Variants in PPTC7 observed in about 807,000 individuals in gnomAD.
PPTC7 encodes protein phosphatase PTC7 homolog.
Under a neutral mutation model 30.8 loss-of-function variants are expected in PPTC7, and 6 were observed. The ratio of observed to expected loss-of-function variants is 0.19; its 90% CI spans 0.11 to 0.38. PPTC7 has a LOEUF of 0.38. PPTC7 is among the 10% of genes least tolerant of loss of function. PPTC7 has a pLI of 1.00. For synonymous variants in PPTC7, 163 were observed against 168.1 expected, an observed-to-expected ratio of 0.97 and a Z score of 0.23; for missense variants, 218 against 404.8, an observed-to-expected ratio of 0.54 and a Z score of 3.96.
At chr12:110,580,900 C>T (rs1434320635) in intron 1 of PPTC7, among the ~76,000 whole-genome samples, 5 of 152,112 alleles carry the variant, frequency 3.3e-5, no homozygotes, top group East Asian at 3.9e-4. Flanking sequence ...TATAGGCATG[C>T]GCCATCACGC....
At chr12:110,541,805 C>T (rs1311336672) in intron 3 of PPTC7, among the ~76,000 whole-genome samples, 2 of 151,568 alleles carry the variant, frequency 1.3e-5, no homozygotes, top group South Asian at 2.1e-4. Flanking sequence ...GGTCATCATA[C>T]GTAGGTATTT....
At chr12:110,577,303 A>G (rs2135797481) in intron 1 of PPTC7, among the ~76,000 whole-genome samples, 1 of 151,924 alleles carries the variant, frequency 6.6e-6, no homozygotes, top group Non-Finnish European at 1.5e-5. Flanking sequence ...TAAAATTAAA[A>G]AAAAAAAGAA....
At chr12:110,550,482 G>C (rs530997419) in intron 2 of PPTC7, among the ~76,000 whole-genome samples, 1 of 151,510 alleles carries the variant, frequency 6.6e-6, no homozygotes, top group Non-Finnish European at 1.5e-5. Flanking sequence ...CGCCCACCTC[G>C]GCCTCCCAAA....
chr12:110,582,949 CCGCCGG>C lies in PPTC7; in HGVS notation c.77_82del (p.Ala26_Gly27del). 6.5e-7 allele frequency: 1 copy of C among 1,542,088 alleles called. No homozygotes were observed. The highest frequency in any genetic ancestry group is 8.8e-7 in the Non-Finnish European group (1 of 1,142,258). ...CAGTCCGTAGTCGCCGCCGCCGCCGCCGCCGGCCCTGGGGTCGGTCTGCGAGAGGCC... is the reference window on the plus strand; with the variant it reads ...CAGTCCGTAGTCGCCGCCGCCGCCGCCCCTGGGGTCGGTCTGCGAGAGGCC... On this transcript the variant is annotated inframe_deletion, in exon 1 of 6. Coordinates refer to ENST00000354300, the MANE Select transcript of PPTC7 (RefSeq NM_139283.2).
intron 1 of PPTC7, among the ~76,000 whole-genome samples, chr12:110,579,148 CAA>C (rs58157987): frequency 3.8e-5 from 5 of 130,430 alleles, no homozygotes; most frequent in Non-Finnish European, 6.6e-5. Flanking sequence ...GACTCTATCT[CAA>C]AAAAAAAAAA....
chr12:110,538,822 G>A (rs946652859), intron 4 of PPTC7, among the ~76,000 whole-genome samples: 1 of 152,190 alleles, frequency 6.6e-6, no homozygotes, highest in African/African-American at 2.4e-5. Flanking sequence ...ACAGGTCTCT[G>A]CTTCAATGTC....
At chr12:110,563,068 A>C (rs527269300) in intron 1 of PPTC7, among the ~76,000 whole-genome samples, 1 of 147,098 alleles carries the variant, frequency 6.8e-6, no homozygotes, top group African/African-American at 2.5e-5. Context: ...GCAGTAAGCA[A>C]AGATTGCGCC....
intron 1 of PPTC7, among the ~76,000 whole-genome samples, chr12:110,562,810 AG>A (rs1312904900): frequency 6.6e-6 from 1 of 150,392 alleles, no homozygotes; most frequent in Non-Finnish European, 1.5e-5. Flanking sequence ...AAAAAAGAAG[AG>A]GAAAAAAAAA....
At chr12:110,581,727 AAAAT>A (rs1183805635) in intron 1 of PPTC7, among the ~76,000 whole-genome samples, 3 of 152,250 alleles carry the variant, frequency 2.0e-5, no homozygotes, top group African/African-American at 7.2e-5. Context: ...ATCAGATTAA[AAAAT>A]AATTACTGTC....
At chr12:110,579,152 A>T (rs571730867) in intron 1 of PPTC7, among the ~76,000 whole-genome samples, 1 of 152,246 alleles carries the variant, frequency 6.6e-6, no homozygotes, top group Admixed American at 6.5e-5. Flanking sequence ...CTATCTCAAA[A>T]AAAAAAAAAA....
chr12:110,560,384 A>T (rs1413103376), intron 1 of PPTC7, among the ~76,000 whole-genome samples: 1 of 151,826 alleles, frequency 6.6e-6, no homozygotes, highest in East Asian at 1.9e-4. Flanking sequence ...CCTGAGCGAC[A>T]GAGCGAGACC....
At chr12:110,554,212 T>C (rs2064369682) in intron 1 of PPTC7, among the ~76,000 whole-genome samples, 1 of 152,214 alleles carries the variant, frequency 6.6e-6, no homozygotes, top group Non-Finnish European at 1.5e-5. Flanking sequence ...CTTGTTCTGT[T>C]GTCCAGGTTG....
intron 1 of PPTC7, among the ~76,000 whole-genome samples, chr12:110,571,992 T>C (rs756294285): frequency 2.8e-4 from 43 of 152,220 alleles, no homozygotes; most frequent in Admixed American, 4.6e-4. Flanking sequence ...CTTATTTTCT[T>C]GCCCCAAATT....
chr12:110,574,141 T>TAAAAAAAAAAAAAA (rs58133391), intron 1 of PPTC7, among the ~76,000 whole-genome samples: 4 of 37,444 alleles, frequency 1.1e-4, no homozygotes, highest in Non-Finnish European at 1.4e-4. Flanking sequence ...CCACAATAAT[T>TAAAAAAAAAAAAAA]AAAAAAAAAA....
chr12:110,533,742 A>G lies in PPTC7; in HGVS notation c.*3295T>C, dbSNP rs922826193. 3.3e-5 allele frequency: 5 copies of G among 152,222 alleles called. No individual in the cohort carries two copies. Among genetic ancestry groups the G allele is most frequent in the African/African-American group, 1.2e-4 (5 of 41,450 alleles). The allele number at this position is 152,222 out of a possible 1,614,324, so 9.4% of individuals were successfully genotyped here. A position where few individuals can be genotyped will look rare whatever the true frequency, so the allele number is the denominator to read the frequency against. On this transcript the variant is annotated 3_prime_UTR_variant, in exon 6 of 6. Transcript: ENST00000354300. ...CCAAAGTACAAACGTTTACAATTCG[A>G]GCCAATCTTGTTTACATTCTCTCAA...
chr12:110,541,227 A>T (rs899071230), intron 3 of PPTC7, among the ~76,000 whole-genome samples: 3 of 151,062 alleles, frequency 2.0e-5, no homozygotes, highest in African/African-American at 4.9e-5. Flanking sequence ...ACTAAAAATT[A>T]AAAAATTAGC....
intron 1 of PPTC7, among the ~76,000 whole-genome samples, chr12:110,558,738 G>A (rs772886670): frequency 2.0e-5 from 3 of 151,684 alleles, no homozygotes; most frequent in African/African-American, 7.3e-5. Flanking sequence ...TGATTCTCCC[G>A]CCTCAGCCCC....
intron 2 of PPTC7, chr12:110,546,744 G>A (rs2064308936): frequency 6.6e-6 from 1 of 152,538 alleles, no homozygotes; most frequent in African/African-American, 2.4e-5. Context: ...TAGACTGAAA[G>A]GCTAATGGCA....
chr12:110,563,673 A>G (rs927105467), intron 1 of PPTC7, among the ~76,000 whole-genome samples: 10 of 152,322 alleles, frequency 6.6e-5, no homozygotes, highest in Non-Finnish European at 1.2e-4. Context: ...CAACAAAATC[A>G]AAGCTGTAGT....
Sources: gnomAD v4.1 joint callset for allele counts (sites outside exome capture counted in the v4.1 genomes callset) on GRCh38, gnomAD v4.1.1 for gene constraint, MANE v1.5 for transcripts, NCBI Gene and HGNC (gene_info 2026-07-23, HGNC 2026-07-21) for gene names.